Variants in ARG2 observed in about 807,000 individuals in gnomAD.
ARG2 encodes arginase-2, mitochondrial.
In ARG2, 21 loss-of-function variants were observed where a neutral mutation model predicts 39.4. That is an observed-to-expected ratio of 0.53 (90% CI 0.38 to 0.77). The LOEUF (loss-of-function observed/expected upper bound fraction) is 0.77, where lower values mean the gene tolerates loss of function less well. Among genes scored for constraint, ARG2 ranks in the 30% least tolerant of loss-of-function variants. The pLI, the probability that ARG2 is intolerant of heterozygous loss-of-function variation, is 0.00. For missense variants in ARG2, 378 were observed against 426.2 expected (o/e 0.89, Z 1.00); for synonymous variants, 150 against 156.7 (o/e 0.96, Z 0.32).
intron 4 of ARG2, 47 bp from the exon 5 acceptor site, chr14:67,646,597 G>A: frequency 2.7e-6 from 4 of 1,457,430 alleles, no homozygotes; most frequent in Non-Finnish European, 3.8e-6. Flanking sequence ...TGATCTTGGT[G>A]AGAACAAGAA....
At chr14:67,622,343 C>T (rs1373469358) in intron 2 of ARG2, among the ~76,000 whole-genome samples, 1 of 152,166 alleles carries the variant, frequency 6.6e-6, no homozygotes, top group Non-Finnish European at 1.5e-5. Context: ...GAAGTCATCT[C>T]CTTCCAAAAG....
intron 2 of ARG2, among the ~76,000 whole-genome samples, chr14:67,633,168 A>C (rs568512100): frequency 1.5e-4 from 23 of 152,230 alleles, no homozygotes; most frequent in African/African-American, 4.3e-4. Flanking sequence ...TGATTAAGTT[A>C]CACTTTTTAG....
intron 2 of ARG2, among the ~76,000 whole-genome samples, chr14:67,641,412 G>A (rs1215929062): frequency 6.6e-6 from 1 of 152,158 alleles, no homozygotes; most frequent in African/African-American, 2.4e-5. Context: ...CCTAGATTTG[G>A]ATCCTGATTC....
intron 2 of ARG2, among the ~76,000 whole-genome samples, chr14:67,631,434 CT>C (rs1319430069): frequency 2.7e-3 from 302 of 113,118 alleles, no homozygotes; most frequent in African/African-American, 3.3e-3. Flanking sequence ...TTCTTTCTTT[CT>C]TTTTTTTTTT....
intron 2 of ARG2, among the ~76,000 whole-genome samples, chr14:67,625,736 C>CA (rs200572735): frequency 0.22 from 26,130 of 118,260 alleles, 3,293 homozygotes; most frequent in African/African-American, 0.38. Context: ...AATGAAAAAC[C>CA]AAAAAAAAAA....
intron 2 of ARG2, among the ~76,000 whole-genome samples, chr14:67,624,559 A>G (rs544800163): frequency 1.7e-4 from 26 of 152,286 alleles, no homozygotes; most frequent in Admixed American, 4.6e-4. Context: ...GCGAAGAGGG[A>G]GGTGATACAC....
chr14:67,622,832 T>C (rs1033865154), intron 2 of ARG2, among the ~76,000 whole-genome samples: 1 of 152,204 alleles, frequency 6.6e-6, no homozygotes, highest in Non-Finnish European at 1.5e-5. Flanking sequence ...GGTTTCAGCC[T>C]CTTCTGGAGG....
At chr14:67,620,182 G>T (rs2036793605) in intron 1 of ARG2, 94 bp downstream of exon 1, 3 of 856,154 alleles carry the variant, frequency 3.5e-6, no homozygotes, top group Non-Finnish European at 5.2e-6. Context: ...GGGAGGCGAG[G>T]AGAGGATGGG....
Position 67,619,984 on chromosome 14 carries a change from C to T in ARG2, c.7C>T (p.Leu3=), listed in dbSNP as rs149542357. MS[L]RGSLSRLLQT... ...ATTCTCAGTGCTGCGGATCATGTCC[C>T]TAAGGGGCAGCCTCTCGCGTCTCCT... is the stretch of plus-strand genomic sequence containing the variant. Residue 3 remains leucine (L), a synonymous_variant, in exon 1 of 8, where the codon CTA becomes TTA. Transcript: ENST00000261783. 236 of 1,601,908 alleles carry T rather than the reference C, an allele frequency of 1.5e-4. 2 individuals carry two copies. The highest frequency in any genetic ancestry group is 9.6e-4 in the South Asian group (86 of 89,568).
At chr14:67,643,701 A>C (rs1008451426) in intron 3 of ARG2, among the ~76,000 whole-genome samples, 11 of 152,094 alleles carry the variant, frequency 7.2e-5, no homozygotes, top group African/African-American at 2.7e-4. Context: ...TTATCCAAGG[A>C]CTAGAACCAG....
At chr14:67,645,600 T>C (rs374202986) in intron 3 of ARG2, 43 bp from the exon 4 acceptor site, 8 of 1,590,666 alleles carry the variant, frequency 5.0e-6, no homozygotes, top group South Asian at 1.1e-5. Flanking sequence ...TCGGTCATGT[T>C]TGCCAAGCAG....
rs567895493 is a variant in ARG2, at chr14:67,625,157, T to TA, written c.184+4204dup. The stretch of plus-strand genomic sequence containing the variant: ...TGCTGGGATAACTGGATATCCACAT[T>TA]AAAAAAAAAAAAATCCCTATCTCAC... On this transcript the variant is annotated intron_variant, in intron 2 of 7. Transcript: ENST00000261783. 2.7e-3 allele frequency among the ~76,000 whole-genome samples: 386 copies of TA among 143,660 alleles called. 2 individuals are homozygous for TA. Among genetic ancestry groups the TA allele is most frequent in the South Asian group, 0.014 (62 of 4,560 alleles). The allele number at this position is 143,660 out of a possible 152,430, so 94.2% of individuals were successfully genotyped here. A position where few individuals can be genotyped will look rare whatever the true frequency, so the allele number is the denominator to read the frequency against.
chr14:67,627,935 C>G (rs970609556), intron 2 of ARG2, among the ~76,000 whole-genome samples: 2 of 152,092 alleles, frequency 1.3e-5, no homozygotes, highest in African/African-American at 2.4e-5. Context: ...GGTTCTTTGA[C>G]TTCTAAAGTC....
chr14:67,639,747 C>A (rs1247946875), intron 2 of ARG2, among the ~76,000 whole-genome samples: 1 of 151,910 alleles, frequency 6.6e-6, no homozygotes, highest in Non-Finnish European at 1.5e-5. Context: ...ATGGCGAAAC[C>A]CTGTCTCTAC....
chr14:67,646,374 C>A, intron 4 of ARG2: 1 of 440,960 alleles, frequency 2.3e-6, no homozygotes, highest in Non-Finnish European at 4.1e-6. Context: ...CAGCAGTATT[C>A]CTGCTACTAG....
At chr14:67,642,051 T>C (rs561962180) in intron 2 of ARG2, 135 bp from the exon 3 acceptor site, 3 of 879,754 alleles carry the variant, frequency 3.4e-6, no homozygotes, top group East Asian at 2.6e-5. Context: ...CCCACAATCA[T>C]TTGACATTTT....
intron 2 of ARG2, among the ~76,000 whole-genome samples, chr14:67,625,654 T>G (rs1594821989): frequency 8.5e-6 from 1 of 117,630 alleles, no homozygotes; most frequent in East Asian, 2.4e-4. Context: ...CAGTCCAGCC[T>G]GGGCAACGAG....
intron 2 of ARG2, among the ~76,000 whole-genome samples, chr14:67,628,830 A>C (rs2036892067): frequency 6.6e-6 from 1 of 152,194 alleles, no homozygotes; most frequent in Non-Finnish European, 1.5e-5. Flanking sequence ...ACTCCTCTAA[A>C]AATTAAAAAT....
chr14:67,650,918 T>C lies in ARG2; in HGVS notation c.1063T>C (p.Ter355GlnextTer19), dbSNP rs1158403232. The C allele has an allele frequency of 6.2e-7, 1 of 1,613,670 alleles. No individual in the cohort carries two copies. The highest frequency in any genetic ancestry group is 8.5e-7 in the Non-Finnish European group (1 of 1,179,884). Residue 355 changes from the stop codon to glutamine, a stop_lost, in exon 8 of 8, where the codon TAG becomes CAG. Coordinates refer to ENST00000261783, the MANE Select transcript of ARG2 (RefSeq NM_001172.4). ...AGAAAATCAAGCACGTGTGAGAATT[T>C]AGGAGACACTGTGCACTGACATGTT... ...ESENQARVRI[*>Q]
Sources: allele counts gnomAD v4.1 joint callset (sites outside exome capture counted in the v4.1 genomes callset), GRCh38; gene constraint gnomAD v4.1.1; transcripts MANE v1.5; gene names NCBI Gene and HGNC (gene_info 2026-07-23, HGNC 2026-07-21).